CCSER1: variants seen among roughly 807,000 people sequenced by gnomAD.
The protein encoded by CCSER1 is coiled-coil serine rich protein 1.
In CCSER1, 41 loss-of-function variants were observed where a neutral mutation model predicts 82.0. The observed-to-expected ratio is 0.50, with a 90% CI of 0.39 to 0.65. The LOEUF is 0.65. CCSER1 is among the 30% of genes least tolerant of loss of function. The probability of loss-of-function intolerance (pLI) is 0.00; values close to 1 mark genes in which losing one functional copy is unlikely to be tolerated. For missense variants in CCSER1, 1,119 were observed against 1,064.2 expected (o/e 1.05, Z -0.72); for synonymous variants, 414 against 383.9 (o/e 1.08, Z -0.92).
At chr4:90,970,998 C>A (rs964973541) in intron 9 of CCSER1, among the ~76,000 whole-genome samples, 4 of 151,538 alleles carry the variant, frequency 2.6e-5, no homozygotes, top group Non-Finnish European at 5.9e-5. Flanking sequence ...TAACTATATA[C>A]CTCAAAGAAT....
At chr4:90,319,397 A>C (rs1736720364) in intron 3 of CCSER1, among the ~76,000 whole-genome samples, 2 of 152,250 alleles carry the variant, frequency 1.3e-5, no homozygotes, top group South Asian at 4.1e-4. Context: ...CAAATCTGTA[A>C]TCCCTGCAAT....
intron 10 of CCSER1, among the ~76,000 whole-genome samples, chr4:91,210,437 A>G (rs115764081): frequency 7.3e-5 from 11 of 151,622 alleles, no homozygotes; most frequent in African/African-American, 2.7e-4. Context: ...TTAATAAAAA[A>G]AGAGTTACAG....
At chr4:91,395,215 G>A (rs117507630) in intron 10 of CCSER1, among the ~76,000 whole-genome samples, 1,658 of 152,076 alleles carry the variant, frequency 0.011, 53 homozygotes, top group Admixed American at 0.063. Flanking sequence ...GCATATAACT[G>A]TGCTGGTCAG....
intron 3 of CCSER1, among the ~76,000 whole-genome samples, chr4:90,331,099 T>C (rs1213599982): frequency 6.6e-6 from 1 of 152,022 alleles, no homozygotes; most frequent in Non-Finnish European, 1.5e-5. Context: ...AAAATAAGAA[T>C]ACTTTTACCA....
At chr4:91,464,377 C>T (rs904377690) in intron 10 of CCSER1, among the ~76,000 whole-genome samples, 12 of 152,218 alleles carry the variant, frequency 7.9e-5, no homozygotes, top group East Asian at 7.7e-4. Context: ...AAGGAACAAC[C>T]GGTACCAGCC....
chr4:90,958,959 C>A (rs914123835), intron 9 of CCSER1, among the ~76,000 whole-genome samples: 1 of 152,038 alleles, frequency 6.6e-6, no homozygotes, highest in African/African-American at 2.4e-5. Context: ...GAGTCTCATG[C>A]AAATTTAAAA....
chr4:90,811,846 C>T (rs574411689), intron 7 of CCSER1, among the ~76,000 whole-genome samples: 21 of 140,618 alleles, frequency 1.5e-4, no homozygotes, highest in Non-Finnish European at 2.9e-4. Flanking sequence ...CTAGTTGTAT[C>T]TTGTAGTTAC....
At chr4:91,080,014 A>G (rs1466531558) in intron 9 of CCSER1, among the ~76,000 whole-genome samples, 2 of 152,194 alleles carry the variant, frequency 1.3e-5, no homozygotes, top group African/African-American at 4.8e-5. Flanking sequence ...TCAACAAGAC[A>G]GAAAGTTAAT....
intron 9 of CCSER1, among the ~76,000 whole-genome samples, chr4:91,067,346 TTTC>T (rs1250375229): frequency 2.0e-5 from 3 of 151,796 alleles, no homozygotes. Flanking sequence ...CTTTTTTTTT[TTTC>T]TTTTTTTTTT....
rs570008210 is a variant in CCSER1 at position 91,167,480 on chromosome 4, G to A, written c.2217+81486G>A. ...ATTACAGGCATGAGCCACTGCACCC[G>A]GCCAAGAATTGCAATACTTAAACTT... On this transcript the variant is annotated intron_variant, in intron 10 of 10. Coordinates refer to ENST00000509176, the MANE Select transcript of CCSER1 (RefSeq NM_001145065.2). 8.6e-5 allele frequency among the ~76,000 whole-genome samples: 13 copies of A among 152,008 alleles called. No individual in the cohort carries two copies. The East Asian group carries it at 1.9e-3, about 23-fold the overall frequency.
intron 5 of CCSER1, among the ~76,000 whole-genome samples, chr4:90,562,190 C>CAAA (rs35279708): frequency 8.8e-5 from 5 of 56,984 alleles, no homozygotes; most frequent in African/African-American, 1.4e-4. Context: ...AACTCCATCT[C>CAAA]AAAAAAAAAA....
At chr4:90,324,234 G>A (rs1221100550) in intron 3 of CCSER1, among the ~76,000 whole-genome samples, 4 of 152,156 alleles carry the variant, frequency 2.6e-5, no homozygotes, top group African/African-American at 9.7e-5. Context: ...AGATACCTGA[G>A]GAATCGCCAC....
chr4:90,228,539 C>T (rs1416462171), intron 1 of CCSER1, among the ~76,000 whole-genome samples: 1 of 151,984 alleles, frequency 6.6e-6, no homozygotes, highest in African/African-American at 2.4e-5. Context: ...AGCAGAAAAA[C>T]TGGAAACTCT....
At chr4:90,458,998 G>A (rs1762530079) in intron 4 of CCSER1, among the ~76,000 whole-genome samples, 1 of 151,994 alleles carries the variant, frequency 6.6e-6, no homozygotes, top group South Asian at 2.1e-4. Context: ...TCTTTCTAAT[G>A]CTATCTATTG....
At chr4:91,296,452 T>TATATATATAC (rs1402137627) in intron 10 of CCSER1, among the ~76,000 whole-genome samples, 17 of 8,934 alleles carry the variant, frequency 1.9e-3, no homozygotes, top group African/African-American at 5.2e-3. Context: ...TCTAACATTA[T>TATATATATAC]ATATATATAT....
intron 1 of CCSER1, among the ~76,000 whole-genome samples, chr4:90,178,686 C>A (rs2153383718): frequency 6.6e-6 from 1 of 152,118 alleles, no homozygotes; most frequent in African/African-American, 2.4e-5. Flanking sequence ...ATATGCTGGA[C>A]TTTTGAAATG....
intron 9 of CCSER1, among the ~76,000 whole-genome samples, chr4:91,047,955 T>A (rs1742658954): frequency 6.6e-6 from 1 of 152,146 alleles, no homozygotes; most frequent in Admixed American, 6.5e-5. Context: ...TATTAATAAA[T>A]GGTAAGCTCT....
intron 1 of CCSER1, among the ~76,000 whole-genome samples, chr4:90,237,971 A>G (rs1476038637): frequency 2.0e-5 from 3 of 152,134 alleles, no homozygotes; most frequent in Non-Finnish European, 4.4e-5. Context: ...TTCTTAATCA[A>G]AATTGTGGTC....
intron 5 of CCSER1, among the ~76,000 whole-genome samples, chr4:90,530,953 CAG>C (rs1431086727): frequency 6.6e-6 from 1 of 152,154 alleles, no homozygotes; most frequent in African/African-American, 2.4e-5. Context: ...AAAATACTGT[CAG>C]AAGCAAATAT....
Sources: gnomAD v4.1 joint callset for allele counts (sites outside exome capture counted in the v4.1 genomes callset) on GRCh38, gnomAD v4.1.1 for gene constraint, MANE v1.5 for transcripts, NCBI Gene and HGNC (gene_info 2026-07-23, HGNC 2026-07-21) for gene names.